The following SNIP1 variants were observed in gnomAD, a reference collection of about 807,000 sequenced individuals.
SNIP1 encodes the protein Smad nuclear interacting protein 1.
Under a neutral mutation model 37.4 loss-of-function variants are expected in SNIP1, and 23 were observed. That is an observed-to-expected ratio of 0.61 (90% confidence interval 0.44 to 0.87). The LOEUF (loss-of-function observed/expected upper bound fraction) is 0.87. Ranked by LOEUF, SNIP1 falls within the 40% of genes least tolerant of loss-of-function variation. The pLI, the probability that SNIP1 is intolerant of heterozygous loss-of-function variation, is 0.00. For missense variants in SNIP1, 459 were observed against 540.4 expected, an observed-to-expected ratio of 0.85 and a Z score of 1.49; for synonymous variants, 174 against 200.0, an observed-to-expected ratio of 0.87 and a Z score of 1.10.
intron 2 of SNIP1, chr1:37,545,276 G>A (rs975246157): frequency 1.4e-5 from 9 of 628,330 alleles, no homozygotes; most frequent in Admixed American, 3.7e-5. Context: ...AGCACACCCC[G>A]GGGAGACAGT....
chr1:37,540,693 C>T lies in SNIP1; in HGVS notation c.390G>A (p.Gln130=), dbSNP rs766628459. 1.2e-6 allele frequency: 2 copies of T among 1,613,856 alleles called. No homozygotes were observed. Among genetic ancestry groups the T allele is most frequent in the African/African-American group, 2.7e-5 (2 of 74,902 alleles). ...CACTGTTCCTAGCTCTCCTGTGTTC[C>T]TGTTCTGATGGTTCCCTGTGCTGCC... The part of the protein sequence containing the change: ...EDRQHREPSE[Q]EHRRARNSDR... The change falls in exon 3 of 4, where the codon CAG becomes CAA. Residue 130 remains glutamine, a synonymous_variant. Transcript: ENST00000296215. The surrounding 1 kb of genome is among the most constrained non-coding windows in gnomAD (Gnocchi z 5.6).
intron 2 of SNIP1, among the ~76,000 whole-genome samples, chr1:37,544,168 C>T (rs1440808678): frequency 1.2e-4 from 18 of 148,446 alleles, no homozygotes; most frequent in Admixed American, 1.0e-3. Context: ...AACAAGAGGC[C>T]GGGCGAAGTG....
At chr1:37,538,096 TA>T in intron 3 of SNIP1, 84 bp from the exon 4 acceptor site, 1 of 1,435,772 alleles carries the variant, frequency 7.0e-7, no homozygotes, top group Non-Finnish European at 9.3e-7. Flanking sequence ...TAAGATAGCC[TA>T]GATGACGTAA....
intron 2 of SNIP1, among the ~76,000 whole-genome samples, chr1:37,542,733 C>G (rs1462272952): frequency 6.6e-6 from 1 of 151,704 alleles, no homozygotes; most frequent in African/African-American, 2.4e-5. Context: ...GAGCAAGACT[C>G]TGTCTCAAAA....
chr1:37,549,205 C>T (rs994273537), intron 2 of SNIP1, among the ~76,000 whole-genome samples: 2 of 151,860 alleles, frequency 1.3e-5, no homozygotes, highest in Non-Finnish European at 2.9e-5. Flanking sequence ...CATTTGGACA[C>T]TCATTTAAAA....
In SNIP1 at chr1:37,546,148, C is replaced by T. The variant is rs1228637910; in HGVS notation, c.328-5393G>A. On this transcript the variant is annotated intron_variant, in intron 2 of 3. Transcript: ENST00000296215. ...AAGTGGAAGCACTGGGACTAAGACC[C>T]CCCCCCCCCCCGCTCCCTGCCATAC... 2.1e-4 allele frequency among the ~76,000 whole-genome samples: 5 copies of T among 23,430 alleles called. No individual in the cohort carries two copies. The South Asian group carries it at 0.011, about 50-fold the overall frequency. 15.4% of individuals were successfully genotyped at this position (23,430 alleles called of 152,430 possible).
chr1:37,540,022 T>C lies in SNIP1; in HGVS notation c.926+135A>G. ...TGTAAGCAATTATTTAAAGGGCAGTTAGATTAACAATACTCTTTAGATAAC... is the reference window on the plus strand; with the variant it reads ...TGTAAGCAATTATTTAAAGGGCAGTCAGATTAACAATACTCTTTAGATAAC... On this transcript the variant is annotated intron_variant, in intron 3 of 3. Coordinates refer to ENST00000296215, the MANE Select transcript of SNIP1 (RefSeq NM_024700.4). The surrounding 1 kb of genome is among the most constrained non-coding windows in gnomAD (Gnocchi z 5.6). 2.9e-6 allele frequency: 2 copies of C among 680,420 alleles called. No individual in the cohort carries two copies. The highest frequency in any genetic ancestry group is 4.9e-6 in the Non-Finnish European group (2 of 405,274). 42.1% of individuals were successfully genotyped at this position (680,420 alleles called of 1,614,324 possible).
At chr1:37,553,864 G>T in intron 1 of SNIP1, 142 bp downstream of exon 1, 2 of 820,446 alleles carry the variant, frequency 2.4e-6, no homozygotes, top group South Asian at 1.7e-5. Flanking sequence ...ACACAAGCAC[G>T]ACTGGATCAC....
Position 37,554,060 on chromosome 1 carries a change from G to A in SNIP1, c.170C>T (p.Thr57Ile). 1.3e-6 allele frequency: 2 copies of A among 1,595,126 alleles called. No individual in the cohort carries two copies. The highest frequency in any genetic ancestry group is 1.7e-6 in the Non-Finnish European group (2 of 1,172,202). The part of the protein sequence containing the change: ...DHSGGSPSPP[T>I]SEPARSGHRG... ...GTGGCCCGAGCGGGCCGGCTCGCTG[G>A]TCGGCGGAGACGGGCTACCACCGGA... Residue 57 changes from threonine to isoleucine, a missense_variant, in exon 1 of 4, where the codon ACC (threonine) becomes ATC (isoleucine). Physicochemically the swap from Thr to Ile is moderately conservative, Grantham distance 89. Transcript: ENST00000296215.
At chr1:37,551,976 G>T (rs1439261987) in intron 2 of SNIP1, among the ~76,000 whole-genome samples, 1 of 152,098 alleles carries the variant, frequency 6.6e-6, no homozygotes, top group African/African-American at 2.4e-5. Context: ...GCCAAAAAAT[G>T]GAAACAACCC....
In SNIP1 at chr1:37,540,523, C is replaced by T. The variant is rs533988405; in HGVS notation, c.560G>A (p.Arg187Gln). 439 of 1,614,152 alleles carry T rather than the reference C, an allele frequency of 2.7e-4. 5 individuals carry two copies. The South Asian group carries it at 4.3e-3, about 16-fold the overall frequency. The part of the protein sequence containing the change: ...EEREFYNARR[R>Q]EHRQRNDVGG... The stretch of plus-strand genomic sequence containing the variant: ...AACGTCATTCCTCTGGCGATGCTCC[C>T]GTCGCCTGGCATTATAAAACTCCCG... Residue 187 changes from arginine to glutamine, a missense_variant, in exon 3 of 4, where the codon CGG (arginine) becomes CAG (glutamine). By Grantham distance (43) the Arg-to-Gln change is conservative (BLOSUM62 1). Transcript: ENST00000296215. The surrounding 1 kb of genome is among the most constrained non-coding windows in gnomAD (Gnocchi z 5.6).
At chr1:37,542,283 CAGA>C (rs1386786462) in intron 2 of SNIP1, among the ~76,000 whole-genome samples, 1 of 152,186 alleles carries the variant, frequency 6.6e-6, no homozygotes, top group African/African-American at 2.4e-5. Flanking sequence ...GGTGGGACAG[CAGA>C]AGTTTATACC....
Position 37,553,986 on chromosome 1 carries a change from T to C in SNIP1, c.224+20A>G. The C allele has an allele frequency of 1.3e-6, 2 of 1,551,714 alleles. No homozygotes were observed. Among genetic ancestry groups the C allele is most frequent in the Non-Finnish European group, 1.7e-6 (2 of 1,148,124 alleles). On this transcript the variant is annotated intron_variant, in intron 1 of 3. Transcript: ENST00000296215. ...AATGAGCCCAACCCAATGTCCATCC[T>C]GGACTGCTCCCCCACTTACCGGCTA...
At chr1:37,544,373 A>C (rs1643205284) in intron 2 of SNIP1, among the ~76,000 whole-genome samples, 1 of 138,522 alleles carries the variant, frequency 7.2e-6, no homozygotes, top group Non-Finnish European at 1.5e-5. Flanking sequence ...TTGAACTCGG[A>C]GGGCGGAGGT....
rs1322516746 is a variant in SNIP1, at chr1:37,536,094, G to A, written c.*1654C>T. The A allele has an allele frequency of 2.0e-5, 3 of 152,384 alleles. No individual in the cohort carries two copies. Among genetic ancestry groups the A allele is most frequent in the African/African-American group, 7.2e-5 (3 of 41,580 alleles). 9.4% of individuals were successfully genotyped at this position (152,384 alleles called of 1,614,324 possible). A position where few individuals can be genotyped will look rare whatever the true frequency, so the allele number is the denominator to read the frequency against. On this transcript the variant is annotated 3_prime_UTR_variant, in exon 4 of 4. Coordinates refer to ENST00000296215, the MANE Select transcript of SNIP1 (RefSeq NM_024700.4). ...CCGAAAGTGTTGGGATTACAGGCAT[G>A]AGCCACTGTGCCCATGCCCGGCCCA...
chr1:37,552,317 T>C (rs575121280), intron 2 of SNIP1, among the ~76,000 whole-genome samples: 1 of 152,290 alleles, frequency 6.6e-6, no homozygotes, highest in South Asian at 2.1e-4. Context: ...TCGATGTCAA[T>C]ATTCTGATGA....
chr1:37,544,306 C>T (rs902324936), intron 2 of SNIP1, among the ~76,000 whole-genome samples: 4 of 150,300 alleles, frequency 2.7e-5, no homozygotes, highest in Non-Finnish European at 5.9e-5. Flanking sequence ...ATTAGAAGGG[C>T]GCGGTGGCAG....
chr1:37,542,975 A>T (rs1643191590), intron 2 of SNIP1, among the ~76,000 whole-genome samples: 1 of 151,596 alleles, frequency 6.6e-6, no homozygotes, highest in Non-Finnish European at 1.5e-5. Context: ...TGGGATGATC[A>T]CTTGAGCCCA....
chr1:37,544,196 T>C lies in SNIP1; in HGVS notation c.328-3441A>G, dbSNP rs908893118. ...GCGAAGTGGCTCACGCCTGCAATCC[T>C]AGCACTTTGGGAGGCTGAGGTGGGT... is the stretch of plus-strand genomic sequence containing the variant. On this transcript the variant is annotated intron_variant, in intron 2 of 3. Coordinates refer to ENST00000296215, the MANE Select transcript of SNIP1 (RefSeq NM_024700.4). Among the ~76,000 whole-genome samples, 64 of 150,830 alleles carry C rather than the reference T, an allele frequency of 4.2e-4. 1 individual carries two copies. Among genetic ancestry groups the C allele is most frequent in the African/African-American group, 1.6e-3 (64 of 41,144 alleles).
Sources: gnomAD v4.1 joint callset for allele counts (sites outside exome capture counted in the v4.1 genomes callset) on GRCh38, gnomAD v4.1.1 for gene constraint, Gnocchi (gnomAD v3.1) non-coding constraint, MANE v1.5 for transcripts, NCBI Gene and HGNC (gene_info 2026-07-23, HGNC 2026-07-21) for gene names.